Variants in TJP1 observed in about 807,000 individuals in gnomAD.
TJP1 encodes tight junction protein ZO-1.
Under a neutral mutation model 194.2 loss-of-function variants are expected in TJP1, and 43 were observed. The observed-to-expected ratio is 0.22, with a 90% confidence interval of 0.17 to 0.29. TJP1 has a LOEUF of 0.29. Among genes scored for constraint, TJP1 ranks in the 10% least tolerant of loss-of-function variants. TJP1 has a pLI of 1.00. For missense variants in TJP1, 1,971 were observed against 2,185.7 expected, an observed-to-expected ratio of 0.90 and a Z score of 1.96; for synonymous variants, 801 against 779.0, an observed-to-expected ratio of 1.03 and a Z score of -0.47.
chr15:29,796,475 G>A (rs1226176553), intron 2 of TJP1, among the ~76,000 whole-genome samples: 1 of 150,146 alleles, frequency 6.7e-6, no homozygotes, highest in Non-Finnish European at 1.5e-5. Context: ...TAACAAAAAT[G>A]TGTGCAGGAT....
rs141536951 is a variant in TJP1 at position 29,968,780 on chromosome 15, G to C, written c.60C>G (p.Arg20=). Residue 20 remains arginine, a synonymous_variant, in exon 1 of 29, where the codon CGC becomes CGG. Coordinates refer to the TJP1 transcript ENST00000356107. Reference sequence around the variant, plus strand: ...ACTTCATCTTGTCCCCGCTCCGCTCGCGGGCAGGGCCCCGCCGCCTCCGCC... The same window carrying C: ...ACTTCATCTTGTCCCCGCTCCGCTCCCGGGCAGGGCCCCGCCGCCTCCGCC... 0.037 allele frequency: 44,507 copies of C among 1,217,066 alleles called. 1,159 individuals are homozygous for C. Among genetic ancestry groups the C allele is most frequent in the Middle Eastern group, 0.099 (439 of 4,414 alleles). The allele number at this position is 1,217,066 out of a possible 1,614,324, so 75.4% of individuals were successfully genotyped here. A position where few individuals can be genotyped will look rare whatever the true frequency, so the allele number is the denominator to read the frequency against.
intron 2 of TJP1, among the ~76,000 whole-genome samples, chr15:29,916,448 T>C (rs2054190268): frequency 6.6e-6 from 1 of 151,676 alleles, no homozygotes; most frequent in South Asian, 2.1e-4. Context: ...GGTAATGAGC[T>C]CCTTTACATT....
At chr15:29,742,070 C>T (rs796472070) in intron 9 of TJP1, among the ~76,000 whole-genome samples, 17 of 151,928 alleles carry the variant, frequency 1.1e-4, no homozygotes, top group African/African-American at 3.9e-4. Flanking sequence ...AAAACAACAA[C>T]AAAAAACAAA....
At chr15:29,947,673 A>G (rs957778699) in intron 2 of TJP1, among the ~76,000 whole-genome samples, 1 of 152,184 alleles carries the variant, frequency 6.6e-6, no homozygotes, top group Non-Finnish European at 1.5e-5. Context: ...ATGTAGAGAG[A>G]TGTCCCTGGG....
At chr15:29,884,818 A>C (rs1296663665) in intron 2 of TJP1, among the ~76,000 whole-genome samples, 1 of 152,198 alleles carries the variant, frequency 6.6e-6, no homozygotes, top group East Asian at 1.9e-4. Context: ...GGTTAACTAA[A>C]GGGATCAAAA....
chr15:29,959,307 T>A (rs12441157), intron 1 of TJP1, among the ~76,000 whole-genome samples: 6 of 151,798 alleles, frequency 4.0e-5, no homozygotes, highest in South Asian at 2.1e-4. Flanking sequence ...AGTATTTTTT[T>A]AATTAATGCA....
At chr15:29,964,457 A>T (rs1296741759) in intron 1 of TJP1, among the ~76,000 whole-genome samples, 2 of 152,182 alleles carry the variant, frequency 1.3e-5, no homozygotes, top group African/African-American at 4.8e-5. Context: ...AGAGACACAG[A>T]GAAGGTCATG....
chr15:29,790,485 T>C (rs1567033704), intron 2 of TJP1, among the ~76,000 whole-genome samples: 1 of 152,224 alleles, frequency 6.6e-6, no homozygotes, highest in Non-Finnish European at 1.5e-5. Flanking sequence ...GTGTAACGAT[T>C]AAATCAGGGT....
At chr15:29,705,767 G>C (rs776647689) in intron 25 of TJP1, 22 bp from the exon 26 acceptor site, 27 of 1,607,480 alleles carry the variant, frequency 1.7e-5, no homozygotes, top group Non-Finnish European at 2.1e-5. Context: ...GAAATGGCTA[G>C]TGAGTGAATT....
At chr15:29,711,413 T>C (rs1315796276) in intron 23 of TJP1, among the ~76,000 whole-genome samples, 1 of 152,192 alleles carries the variant, frequency 6.6e-6, no homozygotes, top group Non-Finnish European at 1.5e-5. Context: ...TCGCCCAGAC[T>C]GGAGTGCAGT....
chr15:29,928,125 C>A (rs1312171235), intron 2 of TJP1, among the ~76,000 whole-genome samples: 4 of 150,546 alleles, frequency 2.7e-5, no homozygotes, highest in East Asian at 3.9e-4. Flanking sequence ...AAAAAAAAAA[C>A]CACTAGTAGA....
At chr15:29,921,843 C>T (rs542765649) in intron 2 of TJP1, among the ~76,000 whole-genome samples, 57 of 144,634 alleles carry the variant, frequency 3.9e-4, no homozygotes, top group African/African-American at 1.4e-3. Context: ...CTTTTTCTTT[C>T]TTTCTTTTTT....
intron 2 of TJP1, among the ~76,000 whole-genome samples, chr15:29,902,789 A>G (rs563974912): frequency 1.3e-5 from 2 of 152,258 alleles, no homozygotes; most frequent in East Asian, 3.9e-4. Flanking sequence ...TAGTCCCAGC[A>G]CTTTGGGAGA....
At chr15:29,799,349 T>C (rs2048624141) in intron 2 of TJP1, among the ~76,000 whole-genome samples, 1 of 152,122 alleles carries the variant, frequency 6.6e-6, no homozygotes. Context: ...TAGTATTAGA[T>C]AATGATTTCC....
intron 1 of TJP1, among the ~76,000 whole-genome samples, chr15:29,816,771 A>C (rs1390847498): frequency 1.3e-5 from 2 of 152,202 alleles, no homozygotes; most frequent in Non-Finnish European, 2.9e-5. Flanking sequence ...CAAAAACGTT[A>C]AGATATCAAG....
Position 29,801,547 on chromosome 15 carries a change from C to T in TJP1, c.28-845G>A, listed in dbSNP as rs949330224. Among the ~76,000 whole-genome samples the T allele has an allele frequency of 9.3e-4, 139 of 150,052 alleles. 6 individuals carry two copies. The highest frequency in any genetic ancestry group is 3.2e-3 in the African/African-American group (132 of 41,016). ...CGGGATCTCGGCTCACTGCAAGCTCCGCCTCCCGGGTTCACGCCATTCTCC... is the reference window on the plus strand; with the variant it reads ...CGGGATCTCGGCTCACTGCAAGCTCTGCCTCCCGGGTTCACGCCATTCTCC... On this transcript the variant is annotated intron_variant, in intron 1 of 27. Coordinates refer to ENST00000614355, the MANE Select transcript of TJP1 (RefSeq NM_001330239.4).
At chr15:29,808,650 T>A (rs1020787270) in intron 1 of TJP1, among the ~76,000 whole-genome samples, 3 of 152,162 alleles carry the variant, frequency 2.0e-5, no homozygotes, top group Admixed American at 6.6e-5. Context: ...CTGGTACGTA[T>A]AGGGAAAGAA....
At chr15:29,955,896 TA>T (rs1333192132) in intron 2 of TJP1, among the ~76,000 whole-genome samples, 1 of 151,960 alleles carries the variant, frequency 6.6e-6, no homozygotes, top group Non-Finnish European at 1.5e-5. Flanking sequence ...ATCAGACACT[TA>T]AGTCTCTACT....
intron 15 of TJP1, among the ~76,000 whole-genome samples, chr15:29,729,785 T>C (rs1192193347): frequency 6.8e-6 from 1 of 146,724 alleles, no homozygotes; most frequent in Non-Finnish European, 1.5e-5. Context: ...ATCGTGCCAC[T>C]GCACTCCAGC....
Sources: gnomAD v4.1 joint callset for allele counts (sites outside exome capture counted in the v4.1 genomes callset) on GRCh38, gnomAD v4.1.1 for gene constraint, MANE v1.5 for transcripts, NCBI Gene and HGNC (gene_info 2026-07-23, HGNC 2026-07-21) for gene names.